Variants in NELL1 observed in about 807,000 individuals in gnomAD.
The protein encoded by NELL1 is neural EGFL like 1.
Under a neutral mutation model 107.4 loss-of-function variants are expected in NELL1, and 76 were observed. The ratio of observed to expected loss-of-function variants is 0.71; its 90% CI spans 0.59 to 0.86. The LOEUF is 0.86. Ranked by LOEUF, NELL1 falls within the 40% of genes least tolerant of loss-of-function variation. NELL1 has a pLI of 0.00. For missense variants in NELL1, 1,024 were observed against 1,005.5 expected, an observed-to-expected ratio of 1.02 and a Z score of -0.25; for synonymous variants, 353 against 341.2, an observed-to-expected ratio of 1.03 and a Z score of -0.38.
At chr11:21,481,489 C>A (rs1854491109) in intron 15 of NELL1, among the ~76,000 whole-genome samples, 1 of 152,172 alleles carries the variant, frequency 6.6e-6, no homozygotes, top group South Asian at 2.1e-4. Flanking sequence ...GTAAGGGTTG[C>A]ATTAAAGTGG....
chr11:21,422,159 G>C (rs1199462147), intron 15 of NELL1, among the ~76,000 whole-genome samples: 2 of 151,958 alleles, frequency 1.3e-5, no homozygotes, highest in Admixed American at 6.6e-5. Flanking sequence ...GCAAGAGAGA[G>C]AGAAGAAGAG....
chr11:21,142,909 A>G (rs930588619), intron 13 of NELL1, among the ~76,000 whole-genome samples: 5 of 152,264 alleles, frequency 3.3e-5, no homozygotes, highest in African/African-American at 9.6e-5. Flanking sequence ...GACGCACGGT[A>G]TGGCACAATT....
At chr11:21,467,786 G>A (rs1372672691) in intron 15 of NELL1, among the ~76,000 whole-genome samples, 4 of 152,020 alleles carry the variant, frequency 2.6e-5, no homozygotes, top group Non-Finnish European at 5.9e-5. Context: ...TGATTAGATG[G>A]TGAACCGCTG....
intron 5 of NELL1, among the ~76,000 whole-genome samples, chr11:20,909,322 T>A (rs2134144933): frequency 6.6e-6 from 1 of 152,214 alleles, no homozygotes; most frequent in East Asian, 1.9e-4. Flanking sequence ...TAATGGAAAA[T>A]TTTAAAAAAA....
chr11:20,834,896 C>T (rs943128990), intron 3 of NELL1, among the ~76,000 whole-genome samples: 4 of 152,106 alleles, frequency 2.6e-5, no homozygotes, highest in African/African-American at 9.7e-5. Flanking sequence ...TCAGTCCTAA[C>T]ATAAAATGGT....
intron 14 of NELL1, among the ~76,000 whole-genome samples, chr11:21,242,252 CAGTGATTCAGGA>C (rs1858382266): frequency 6.6e-6 from 1 of 152,076 alleles, no homozygotes; most frequent in African/African-American, 2.4e-5. Context: ...TTGTGTGTCA[CAGTGATTCAGGA>C]ATACAGTCAC....
intron 15 of NELL1, among the ~76,000 whole-genome samples, chr11:21,414,768 A>C (rs1852467357): frequency 6.6e-6 from 1 of 152,062 alleles, no homozygotes; most frequent in South Asian, 2.1e-4. Flanking sequence ...AAATCTCCTA[A>C]TGTCAGTTGC....
In NELL1 at chr11:21,035,821, CACAAG is replaced by C. The variant is rs541926478; in HGVS notation, c.1300+75267_1300+75271del. On this transcript the variant is annotated intron_variant, in intron 12 of 19. Transcript: ENST00000357134. ...TGGAAGCATTTCCCTTGAAAACTGG[CACAAG>C]ACAAGGGATGCCCTCTCTCACAACT... Among the ~76,000 whole-genome samples the C allele has an allele frequency of 2.5e-3, 377 of 152,224 alleles. 4 individuals are homozygous for C. Among genetic ancestry groups the C allele is most frequent in the South Asian group, 4.3e-3 (21 of 4,828 alleles).
rs115257734 is a variant in NELL1 at position 21,509,227 on chromosome 11, T to A, written c.1646-25147T>A. On this transcript the variant is annotated intron_variant, in intron 15 of 19. Coordinates refer to ENST00000357134, the MANE Select transcript of NELL1 (RefSeq NM_006157.5). ...TAAAATTTCTGACAATAGCGACTAT[T>A]GACAAAGCATGGAGCAACAGAAAAA... 6.0e-3 allele frequency among the ~76,000 whole-genome samples: 917 copies of A among 152,274 alleles called. 15 individuals are homozygous for A. Among genetic ancestry groups the A allele is most frequent in the African/African-American group, 0.021 (874 of 41,574 alleles).
chr11:21,192,238 T>A (rs1857065058), intron 13 of NELL1, among the ~76,000 whole-genome samples: 1 of 151,878 alleles, frequency 6.6e-6, no homozygotes, highest in Non-Finnish European at 1.5e-5. Flanking sequence ...AGTGGAAGAA[T>A]CACATATTTG....
intron 15 of NELL1, among the ~76,000 whole-genome samples, chr11:21,461,987 G>A (rs961367744): frequency 6.6e-6 from 1 of 152,088 alleles, no homozygotes; most frequent in Non-Finnish European, 1.5e-5. Flanking sequence ...GCAGTGATCC[G>A]AAAATAAACT....
chr11:21,156,770 G>C (rs1198062909), intron 13 of NELL1, among the ~76,000 whole-genome samples: 2 of 151,994 alleles, frequency 1.3e-5, no homozygotes, highest in Non-Finnish European at 2.9e-5. Flanking sequence ...TGAGACTTAA[G>C]GGTAAAATCA....
At chr11:20,709,584 A>C (rs1416369085) in intron 2 of NELL1, among the ~76,000 whole-genome samples, 4 of 151,926 alleles carry the variant, frequency 2.6e-5, no homozygotes, top group African/African-American at 9.7e-5. Flanking sequence ...AAGAATTTTG[A>C]TGGTATTTTG....
chr11:21,168,704 G>C (rs544124183), intron 13 of NELL1, among the ~76,000 whole-genome samples: 3 of 151,942 alleles, frequency 2.0e-5, no homozygotes, highest in Admixed American at 2.0e-4. Flanking sequence ...TACTGATTCA[G>C]ATTAAACCTA....
chr11:21,019,257 T>C (rs1852642267), intron 12 of NELL1, among the ~76,000 whole-genome samples: 1 of 152,096 alleles, frequency 6.6e-6, no homozygotes, highest in Admixed American at 6.6e-5. Context: ...CTAGAGGTAG[T>C]ATTTCTTTTT....
At chr11:21,149,890 C>T (rs150593202) in intron 13 of NELL1, among the ~76,000 whole-genome samples, 217 of 152,104 alleles carry the variant, frequency 1.4e-3, no homozygotes, top group African/African-American at 5.0e-3. Context: ...CAGTGAATGA[C>T]AAACACTATG....
chr11:20,921,373 A>G (rs1850372911), intron 7 of NELL1, among the ~76,000 whole-genome samples: 1 of 152,088 alleles, frequency 6.6e-6, no homozygotes, highest in Admixed American at 6.6e-5. Context: ...GCTTGCTTTA[A>G]TTCATTAGTC....
At chr11:21,132,374 C>A (rs1283258651) in intron 13 of NELL1, among the ~76,000 whole-genome samples, 3 of 152,184 alleles carry the variant, frequency 2.0e-5, no homozygotes, top group Non-Finnish European at 4.4e-5. Flanking sequence ...GGGCTCGTTC[C>A]ATCCTCTTGG....
chr11:21,358,678 A>G (rs112891792), intron 14 of NELL1, among the ~76,000 whole-genome samples: 4 of 149,582 alleles, frequency 2.7e-5, no homozygotes, highest in African/African-American at 7.3e-5. Flanking sequence ...CAGCCTCCCA[A>G]AGTGGTGGGA....
Sources: allele counts gnomAD v4.1 joint callset (sites outside exome capture counted in the v4.1 genomes callset), GRCh38; gene constraint gnomAD v4.1.1; transcripts MANE v1.5; gene names NCBI Gene and HGNC (gene_info 2026-07-23, HGNC 2026-07-21).